GPT2: variants seen among roughly 807,000 people sequenced by gnomAD.
GPT2 encodes glutamic--pyruvic transaminase 2.
GPT2 carries 30 observed loss-of-function variants against 56.9 expected under a neutral mutation model. The observed-to-expected ratio is 0.53, with a 90% CI of 0.39 to 0.72. The LOEUF is 0.72. Among genes scored for constraint, GPT2 ranks in the 30% least tolerant of loss-of-function variants. The pLI is 0.00. For synonymous variants in GPT2, 271 were observed against 283.1 expected, an observed-to-expected ratio of 0.96 and a Z score of 0.43; for missense variants, 542 against 703.4, an observed-to-expected ratio of 0.77 and a Z score of 2.60.
chr16:46,922,453 G>A (rs764698617), intron 9 of GPT2, 37 bp downstream of exon 9: 21 of 1,549,248 alleles, frequency 1.4e-5, no homozygotes, highest in Admixed American at 1.0e-4. Context: ...CCCTGTGGCC[G>A]GGGTCACGAG....
chr16:46,885,436 C>T (rs776852418), intron 2 of GPT2: 256 of 972,438 alleles, frequency 2.6e-4, no homozygotes, highest in Non-Finnish European at 3.0e-4. Context: ...TTCTGTTCCC[C>T]AGTCTCTTTC....
intron 7 of GPT2, 114 bp from the exon 8 acceptor site, chr16:46,918,507 T>C: frequency 8.2e-7 from 1 of 1,220,096 alleles, no homozygotes; most frequent in East Asian, 2.4e-5. Context: ...CACAGGAGGC[T>C]GGGCCGGCTG....
intron 11 of GPT2, among the ~76,000 whole-genome samples, chr16:46,927,751 C>T (rs1453755984): frequency 2.6e-5 from 4 of 151,488 alleles, no homozygotes; most frequent in Non-Finnish European, 4.4e-5. Context: ...AAACCTTGTC[C>T]GGTTGGCCTT....
chr16:46,887,052 C>T (rs1960497413), intron 2 of GPT2, among the ~76,000 whole-genome samples: 1 of 152,186 alleles, frequency 6.6e-6, no homozygotes, highest in Non-Finnish European at 1.5e-5. Context: ...CCCTTGCCAG[C>T]TTAAACAGTG....
intron 10 of GPT2, 97 bp downstream of exon 10, chr16:46,924,641 C>T: frequency 7.5e-7 from 1 of 1,335,882 alleles, no homozygotes; most frequent in Non-Finnish European, 1.0e-6. Flanking sequence ...AAGTGCTGGC[C>T]CTGGAGGCTC....
intron 2 of GPT2, among the ~76,000 whole-genome samples, chr16:46,897,099 T>G (rs1960698285): frequency 6.6e-6 from 1 of 152,088 alleles, no homozygotes; most frequent in South Asian, 2.1e-4. Flanking sequence ...TAAAATTATG[T>G]TGGTCAGGCG....
intron 6 of GPT2, among the ~76,000 whole-genome samples, chr16:46,910,760 A>T (rs899849675): frequency 6.6e-6 from 1 of 152,002 alleles, no homozygotes; most frequent in African/African-American, 2.4e-5. Context: ...ACGCCCAGCT[A>T]ATATTTTAAT....
chr16:46,913,378 C>T (rs1406615819), intron 6 of GPT2, among the ~76,000 whole-genome samples: 1 of 152,192 alleles, frequency 6.6e-6, no homozygotes, highest in Non-Finnish European at 1.5e-5. Flanking sequence ...CATGGAAGGG[C>T]AAGACCAGGA....
intron 2 of GPT2, among the ~76,000 whole-genome samples, chr16:46,887,568 T>A (rs550243217): frequency 4.6e-5 from 7 of 152,110 alleles, no homozygotes; most frequent in Non-Finnish European, 1.0e-4. Context: ...CCCTAGAGTA[T>A]AAACAGATGT....
intron 8 of GPT2, among the ~76,000 whole-genome samples, chr16:46,919,264 G>A (rs1360674205): frequency 6.6e-6 from 1 of 152,344 alleles, no homozygotes; most frequent in Non-Finnish European, 1.5e-5. Flanking sequence ...ATGCCGCAGC[G>A]AACACCCTCC....
chr16:46,926,130 C>CA (rs57922941), intron 10 of GPT2, among the ~76,000 whole-genome samples: 20 of 58,110 alleles, frequency 3.4e-4, no homozygotes, highest in Admixed American at 9.4e-4. Context: ...GACTCTGTCT[C>CA]AAAAAAAAAA....
rs1345714946 is a variant in GPT2, at chr16:46,929,482, A to C, written c.*485A>C. On this transcript the variant is annotated 3_prime_UTR_variant, in exon 12 of 12. Coordinates refer to ENST00000340124, the MANE Select transcript of GPT2 (RefSeq NM_133443.4). ...AGGGCCTGGAAGGCCCCTGGGGCTG[A>C]GAAAGGGTCCGCCCGGTGGCCTGGA... is the stretch of plus-strand genomic sequence containing the variant. 6.1e-6 allele frequency: 1 copy of C among 164,334 alleles called. No individual in the cohort carries two copies. Among genetic ancestry groups the C allele is most frequent in the African/African-American group, 2.4e-5 (1 of 41,816 alleles). The allele number at this position is 164,334 out of a possible 1,614,324, so 10.2% of individuals were successfully genotyped here. A position where few individuals can be genotyped will look rare whatever the true frequency, so the allele number is the denominator to read the frequency against.
intron 8 of GPT2, among the ~76,000 whole-genome samples, chr16:46,920,399 A>G (rs1258726461): frequency 1.3e-5 from 2 of 152,160 alleles, no homozygotes; most frequent in Non-Finnish European, 2.9e-5. Flanking sequence ...GTGAATTGTA[A>G]GATTGTTGGA....
At position 46,909,824 on chromosome 16, in the gene GPT2, C is replaced by T. The variant is rs752764975; in HGVS notation, c.717C>T (p.Asn239=). 1.2e-6 allele frequency: 2 copies of T among 1,614,204 alleles called. No homozygotes were observed. The highest frequency in any genetic ancestry group is 1.7e-6 in the Non-Finnish European group (2 of 1,180,046). ...IQVNYYLDEE[N]CWALNVNELR... is the part of the protein sequence containing the mutation. Reference sequence around the variant, plus strand: ...TGAATTACTACCTGGACGAGGAGAACTGCTGGGCGCTGAATGTGAATGAGC... The same window carrying T: ...TGAATTACTACCTGGACGAGGAGAATTGCTGGGCGCTGAATGTGAATGAGC... The change falls in exon 6 of 12, where the codon AAC becomes AAT. Residue 239 remains asparagine, a synonymous_variant. Coordinates refer to ENST00000340124, the MANE Select transcript of GPT2 (RefSeq NM_133443.4).
At chr16:46,924,225 G>GC (rs749547717) in intron 9 of GPT2, 164 bp from the exon 10 acceptor site, 8 of 769,704 alleles carry the variant, frequency 1.0e-5, no homozygotes, top group Non-Finnish European at 1.8e-5. Flanking sequence ...TGTGACCCAG[G>GC]CAGAGCAAAT....
At chr16:46,905,214 A>C (rs1960898079) in intron 4 of GPT2, among the ~76,000 whole-genome samples, 1 of 151,880 alleles carries the variant, frequency 6.6e-6, no homozygotes, top group Non-Finnish European at 1.5e-5. Flanking sequence ...CTGCCACCAT[A>C]CCTGGCTGAT....
chr16:46,927,072 G>T, intron 11 of GPT2, 35 bp downstream of exon 11: 1 of 1,366,334 alleles, frequency 7.3e-7, no homozygotes. Flanking sequence ...GGCTGGTCCG[G>T]GTCTTGTCCA....
At chr16:46,910,516 C>G (rs1961029322) in intron 6 of GPT2, among the ~76,000 whole-genome samples, 1 of 151,834 alleles carries the variant, frequency 6.6e-6, no homozygotes, top group African/African-American at 2.4e-5. Context: ...GATTATGCCA[C>G]TGCACTCCAG....
At chr16:46,918,847 TTGGA>T in intron 8 of GPT2, 90 bp downstream of exon 8, 2 of 1,485,066 alleles carry the variant, frequency 1.3e-6, no homozygotes, top group East Asian at 4.6e-5. Flanking sequence ...GTCCACCCAC[TTGGA>T]TGGAGAGAAG....
Sources: gnomAD v4.1 joint callset for allele counts (sites outside exome capture counted in the v4.1 genomes callset) on GRCh38, gnomAD v4.1.1 for gene constraint, MANE v1.5 for transcripts, NCBI Gene and HGNC (gene_info 2026-07-23, HGNC 2026-07-21) for gene names.